The following CADM1 variants were observed in gnomAD, a reference collection of about 807,000 sequenced individuals.
The protein encoded by CADM1 is TSLC-1.
In CADM1, 15 loss-of-function variants were observed where a neutral mutation model predicts 53.1. The observed-to-expected ratio is 0.28, with a 90% confidence interval of 0.19 to 0.44. CADM1 has a LOEUF of 0.44. CADM1 is among the 20% of genes least tolerant of loss of function. The pLI is 1.00. For synonymous variants in CADM1, 281 were observed against 243.0 expected (o/e 1.16, Z -1.45); for missense variants, 434 against 611.3 (o/e 0.71, Z 3.06).
intron 1 of CADM1, among the ~76,000 whole-genome samples, chr11:115,487,843 C>A (rs1949410342): frequency 6.6e-6 from 1 of 152,072 alleles, no homozygotes; most frequent in Non-Finnish European, 1.5e-5. Context: ...TTGGATAATA[C>A]CAATCATATA....
chr11:115,320,843 T>G (rs1399374211), intron 1 of CADM1, among the ~76,000 whole-genome samples: 1 of 152,170 alleles, frequency 6.6e-6, no homozygotes, highest in Non-Finnish European at 1.5e-5. Flanking sequence ...ATGTGGGTTT[T>G]TCCAAAGAGA....
rs1421548909 is a variant in CADM1, at chr11:115,172,694, A to G, written c.*3780T>C. ...CTCTGCATCCCTCACCATGCTGGAC[A>G]TACAGCAGGTGCTCAATAACTGCAT... On this transcript the variant is annotated 3_prime_UTR_variant, in exon 12 of 12. Transcript: ENST00000331581. 1 of 148,466 alleles carries G rather than the reference A, an allele frequency of 6.7e-6. No individual in the cohort carries two copies. Among genetic ancestry groups the G allele is most frequent in the Non-Finnish European group, 1.5e-5 (1 of 67,694 alleles). The allele number at this position is 148,466 out of a possible 1,614,324, so 9.2% of individuals were successfully genotyped here.
intron 5 of CADM1, among the ~76,000 whole-genome samples, chr11:115,220,740 T>G (rs143579701): frequency 6.6e-6 from 1 of 152,190 alleles, no homozygotes. Context: ...GATGGAAACT[T>G]AAAAATAAAT....
rs1216372271 is a variant in CADM1, at chr11:115,404,327, G to GAAA, written c.124+99941_124+99943dup. Among the ~76,000 whole-genome samples the GAAA allele has an allele frequency of 2.2e-3, 13 of 5,810 alleles. 1 individual carries two copies. The highest frequency in any genetic ancestry group is 0.017 in the South Asian group (1 of 58). The allele number at this position is 5,810 out of a possible 152,430, so 3.8% of individuals were successfully genotyped here. A position where few individuals can be genotyped will look rare whatever the true frequency, so the allele number is the denominator to read the frequency against. ...GGCGACAGAGCAAGAATCTGTCTCG[G>GAAA]AAAAAAAAAAAAAAAAAAAATATAT... On this transcript the variant is annotated intron_variant, in intron 1 of 11. Transcript: ENST00000331581.
chr11:115,242,643 G>A (rs1591636906), intron 1 of CADM1, among the ~76,000 whole-genome samples: 1 of 152,266 alleles, frequency 6.6e-6, no homozygotes, highest in East Asian at 1.9e-4. Flanking sequence ...GACTTGCTTT[G>A]AGTAGACAAG....
intron 1 of CADM1, among the ~76,000 whole-genome samples, chr11:115,491,347 T>C (rs1281005753): frequency 6.6e-6 from 1 of 152,022 alleles, no homozygotes; most frequent in Non-Finnish European, 1.5e-5. Context: ...GGGCAGATCA[T>C]CAGGTCAGGA....
chr11:115,192,204 C>A (rs1346951571), intron 9 of CADM1, among the ~76,000 whole-genome samples: 1 of 152,200 alleles, frequency 6.6e-6, no homozygotes, highest in Non-Finnish European at 1.5e-5. Context: ...AGAAACCAAA[C>A]GAACATTGAT....
chr11:115,198,292 GGTCA>G lies in CADM1; in HGVS notation c.1111+110_1111+113del, dbSNP rs1428652028. 1.4e-4 allele frequency: 105 copies of G among 762,848 alleles called. 1 individual carries two copies. Among genetic ancestry groups the G allele is most frequent in the Non-Finnish European group, 8.8e-6 (4 of 454,218 alleles). The allele number at this position is 762,848 out of a possible 1,614,324, so 47.3% of individuals were successfully genotyped here. On this transcript the variant is annotated intron_variant, in intron 9 of 11. Transcript: ENST00000331581. ...TTAAAAAATTATAGTATATTTATGA[GGTCA>G]GTCTACTTGAAACATGATTTCCCTT...
At chr11:115,478,683 A>G (rs1477064834) in intron 1 of CADM1, among the ~76,000 whole-genome samples, 1 of 152,186 alleles carries the variant, frequency 6.6e-6, no homozygotes, top group African/African-American at 2.4e-5. Flanking sequence ...AGAGATAGCC[A>G]TTGTTAAGAG....
intron 1 of CADM1, among the ~76,000 whole-genome samples, chr11:115,457,701 C>A (rs1015916528): frequency 4.6e-5 from 7 of 152,146 alleles, no homozygotes; most frequent in African/African-American, 1.7e-4. Context: ...CCCCCCTATA[C>A]CTCCTTTCTG....
intron 1 of CADM1, among the ~76,000 whole-genome samples, chr11:115,446,425 A>G (rs745950363): frequency 1.3e-5 from 2 of 152,214 alleles, no homozygotes; most frequent in Non-Finnish European, 2.9e-5. Context: ...TGCCAGGGAC[A>G]GGATCAGCAA....
intron 8 of CADM1, among the ~76,000 whole-genome samples, chr11:115,203,461 G>A (rs1490598162): frequency 6.6e-6 from 1 of 152,100 alleles, no homozygotes; most frequent in Non-Finnish European, 1.5e-5. Flanking sequence ...TTAAGTCTTG[G>A]CAAATTTTGT....
intron 3 of CADM1, among the ~76,000 whole-genome samples, chr11:115,234,467 G>T (rs752656563): frequency 6.6e-6 from 1 of 152,166 alleles, no homozygotes; most frequent in Non-Finnish European, 1.5e-5. Context: ...AACTGCAACA[G>T]ATAAATTCTA....
At chr11:115,453,115 G>A (rs139341772) in intron 1 of CADM1, among the ~76,000 whole-genome samples, 322 of 152,272 alleles carry the variant, frequency 2.1e-3, no homozygotes, top group African/African-American at 7.2e-3. Flanking sequence ...AGTGGCTCAT[G>A]CCTACAATCC....
chr11:115,249,209 CA>C (rs1371190334), intron 1 of CADM1, among the ~76,000 whole-genome samples: 4 of 152,090 alleles, frequency 2.6e-5, no homozygotes, highest in African/African-American at 9.7e-5. Flanking sequence ...TGCTGAAGGC[CA>C]ATTGTTGATC....
At chr11:115,224,584 T>A (rs1941531779) in intron 5 of CADM1, among the ~76,000 whole-genome samples, 1 of 152,112 alleles carries the variant, frequency 6.6e-6, no homozygotes, top group Non-Finnish European at 1.5e-5. Flanking sequence ...AGAGCAAGGC[T>A]ATGATGGGTG....
chr11:115,376,076 A>C (rs1009190522), intron 1 of CADM1, among the ~76,000 whole-genome samples: 3 of 152,168 alleles, frequency 2.0e-5, no homozygotes, highest in Non-Finnish European at 4.4e-5. Context: ...GTGAGAAGCC[A>C]TGTTGCTTGG....
At chr11:115,329,366 T>C (rs897406335) in intron 1 of CADM1, among the ~76,000 whole-genome samples, 1 of 152,134 alleles carries the variant, frequency 6.6e-6, no homozygotes, top group Non-Finnish European at 1.5e-5. Flanking sequence ...TGTGTCTTTC[T>C]AGGCTTTTTT....
intron 1 of CADM1, among the ~76,000 whole-genome samples, chr11:115,347,863 G>A (rs1591732553): frequency 6.6e-6 from 1 of 152,048 alleles, no homozygotes; most frequent in Admixed American, 6.6e-5. Flanking sequence ...CATATATATG[G>A]CACTGCTTTA....
Sources: gnomAD v4.1 joint callset for allele counts (sites outside exome capture counted in the v4.1 genomes callset) on GRCh38, gnomAD v4.1.1 for gene constraint, MANE v1.5 for transcripts, NCBI Gene and HGNC (gene_info 2026-07-23, HGNC 2026-07-21) for gene names.